The following NFIA variants were observed in gnomAD, a reference collection of about 807,000 sequenced individuals.
The protein encoded by NFIA is nuclear factor I A.
In NFIA, 8 loss-of-function variants were observed where a neutral mutation model predicts 62.8. The ratio of observed to expected loss-of-function variants is 0.13; its 90% CI spans 0.07 to 0.23. The LOEUF (loss-of-function observed/expected upper bound fraction) is 0.23. Among genes scored for constraint, NFIA ranks in the 10% least tolerant of loss-of-function variants. NFIA has a pLI of 1.00. For synonymous variants in NFIA, 235 were observed against 238.1 expected, an observed-to-expected ratio of 0.99 and a Z score of 0.12; for missense variants, 410 against 642.1, an observed-to-expected ratio of 0.64 and a Z score of 3.91.
chr1:61,159,383 A>G (rs11207700), intron 2 of NFIA, among the ~76,000 whole-genome samples: 3,101 of 152,224 alleles, frequency 0.02, 68 homozygotes, highest in East Asian at 0.094. Context: ...TCAAACTTCA[A>G]TGTGCATACG....
chr1:61,434,340 C>T (rs765712920), intron 10 of NFIA, among the ~76,000 whole-genome samples: 6 of 152,164 alleles, frequency 3.9e-5, no homozygotes, highest in Non-Finnish European at 7.3e-5. Flanking sequence ...CAATCTGCTT[C>T]CCCTCCCTCC....
intron 2 of NFIA, among the ~76,000 whole-genome samples, chr1:61,150,233 T>G (rs1648301822): frequency 6.6e-6 from 1 of 152,338 alleles, no homozygotes; most frequent in East Asian, 1.9e-4. Context: ...GCCAAGTCCC[T>G]TTAGATCAAT....
At position 61,404,413 on chromosome 1, in the gene NFIA, T is replaced by G. The variant is rs547989041; in HGVS notation, c.1254+131T>G. 8.4e-6 allele frequency: 8 copies of G among 949,802 alleles called. No homozygotes were observed. In the South Asian group the frequency reaches 1.3e-4, roughly 16 times the overall value. 58.8% of individuals were successfully genotyped at this position (949,802 alleles called of 1,614,324 possible). The stretch of plus-strand genomic sequence containing the variant: ...GACTGACTGCAGGCAAATGTCATAT[T>G]TATTCTAGATTGTGGGAAAGTTAAC... On this transcript the variant is annotated intron_variant, in intron 8 of 10. Transcript: ENST00000403491.
At chr1:61,130,955 A>T (rs531033593) in intron 2 of NFIA, among the ~76,000 whole-genome samples, 1 of 152,230 alleles carries the variant, frequency 6.6e-6, no homozygotes, top group African/African-American at 2.4e-5. Context: ...TTTTTCCTCA[A>T]GGCACAAAAG....
At chr1:61,303,751 T>G (rs760503422) in intron 3 of NFIA, among the ~76,000 whole-genome samples, 16 of 152,340 alleles carry the variant, frequency 1.1e-4, no homozygotes, top group Non-Finnish European at 1.8e-4. Context: ...TTTGCATTCC[T>G]AACAAGGGTC....
At chr1:61,439,678 A>G (rs918971355) in intron 10 of NFIA, among the ~76,000 whole-genome samples, 3 of 152,226 alleles carry the variant, frequency 2.0e-5, no homozygotes, top group African/African-American at 4.8e-5. Flanking sequence ...TATGGGAAAG[A>G]GAGCATCTCA....
chr1:61,440,662 A>G (rs1667533763), intron 10 of NFIA, among the ~76,000 whole-genome samples: 1 of 150,064 alleles, frequency 6.7e-6, no homozygotes, highest in South Asian at 2.1e-4. Context: ...CCTCCTCCCG[A>G]TGCTTTTTTT....
intron 9 of NFIA, among the ~76,000 whole-genome samples, chr1:61,415,812 A>G (rs1488398181): frequency 6.6e-6 from 1 of 152,186 alleles, no homozygotes; most frequent in African/African-American, 2.4e-5. Context: ...TACCTATATT[A>G]GTACATATAT....
chr1:61,376,451 TTCTAAA>T (rs1353950340), intron 6 of NFIA, among the ~76,000 whole-genome samples: 17 of 152,320 alleles, frequency 1.1e-4, no homozygotes, highest in Admixed American at 3.3e-4. Context: ...CATTATCTTC[TTCTAAA>T]TCTATGTGAT....
intron 2 of NFIA, among the ~76,000 whole-genome samples, chr1:61,092,047 G>A (rs1321902957): frequency 1.3e-5 from 2 of 152,096 alleles, no homozygotes; most frequent in African/African-American, 4.8e-5. Flanking sequence ...ACCTGCCATG[G>A]GGTAGAATAA....
intron 10 of NFIA, among the ~76,000 whole-genome samples, chr1:61,428,424 C>T (rs1478486730): frequency 7.0e-6 from 1 of 143,010 alleles, no homozygotes; most frequent in Non-Finnish European, 1.5e-5. Context: ...TATTTGGCGT[C>T]ATGGGGACAA....
intron 2 of NFIA, among the ~76,000 whole-genome samples, chr1:61,225,131 T>A (rs924107594): frequency 3.3e-5 from 5 of 151,574 alleles, no homozygotes; most frequent in African/African-American, 1.2e-4. Context: ...TTATATATTT[T>A]GTTTTTTGTT....
At chr1:61,402,099 G>A (rs1248148036) in intron 7 of NFIA, among the ~76,000 whole-genome samples, 1 of 134,392 alleles carries the variant, frequency 7.4e-6, no homozygotes, top group African/African-American at 2.8e-5. Context: ...GTGCAGTGGC[G>A]CGATCTCGGC....
intron 2 of NFIA, among the ~76,000 whole-genome samples, chr1:61,226,839 A>G (rs574737577): frequency 6.6e-6 from 1 of 152,318 alleles, no homozygotes; most frequent in African/African-American, 2.4e-5. Context: ...GTTTGCCAAT[A>G]TGCCCAAGCC....
rs1661725912 is a variant in NFIA at position 61,338,341 on chromosome 1, A to G, written c.700+5755A>G. 2.6e-5 allele frequency among the ~76,000 whole-genome samples: 4 copies of G among 152,310 alleles called. No homozygotes were observed. The South Asian group carries it at 6.2e-4, about 24-fold the overall frequency. On this transcript the variant is annotated intron_variant, in intron 4 of 10. Transcript: ENST00000403491. Reference sequence around the variant, plus strand: ...TACAGGATTCCTGAGTTGTTTGTCAATGGAGAGTGGGAGTGAATGGAACCA... The same window carrying G: ...TACAGGATTCCTGAGTTGTTTGTCAGTGGAGAGTGGGAGTGAATGGAACCA...
chr1:61,396,213 G>A (rs1310602029), intron 7 of NFIA, among the ~76,000 whole-genome samples: 1 of 152,106 alleles, frequency 6.6e-6, no homozygotes, highest in East Asian at 1.9e-4. Context: ...TAGATCTTCT[G>A]AAAAGCATTT....
chr1:61,088,410 G>A lies in NFIA; in HGVS notation c.289G>A (p.Gly97Arg). Residue 97 changes from glycine to arginine, a missense_variant, in exon 2 of 11, where the codon GGG becomes AGG. Gly to Arg is a moderately radical substitution (Grantham distance 125). Coordinates refer to ENST00000403491, the MANE Select transcript of NFIA (RefSeq NM_001134673.4). This position sits in a 1 kb window ranked among gnomAD's most constrained non-coding sequence, Gnocchi z 4.5. ...YREDFVLTVT[G>R]KKPPCCVLSN... ...AGAGGATTTTGTTCTTACAGTTACAGGGAAAAAACCTCCATGTTGTGTTCT... is the reference window on the plus strand; with the variant it reads ...AGAGGATTTTGTTCTTACAGTTACAAGGAAAAAACCTCCATGTTGTGTTCT... 1.2e-6 allele frequency: 2 copies of A among 1,613,954 alleles called. No homozygotes were observed. The highest frequency in any genetic ancestry group is 1.7e-6 in the Non-Finnish European group (2 of 1,179,986).
chr1:61,182,705 A>G (rs1009469687), intron 2 of NFIA, among the ~76,000 whole-genome samples: 1 of 152,236 alleles, frequency 6.6e-6, no homozygotes, highest in Non-Finnish European at 1.5e-5. Flanking sequence ...ATTACTTAAA[A>G]TAAGTTCTTC....
At chr1:61,415,413 A>G (rs1282402355) in intron 9 of NFIA, among the ~76,000 whole-genome samples, 1 of 152,160 alleles carries the variant, frequency 6.6e-6, no homozygotes, top group Non-Finnish European at 1.5e-5. Flanking sequence ...CACAAAAGAT[A>G]GAAAAAAAAT....
Sources: gnomAD v4.1 joint callset for allele counts (sites outside exome capture counted in the v4.1 genomes callset) on GRCh38, gnomAD v4.1.1 for gene constraint, Gnocchi (gnomAD v3.1) non-coding constraint, MANE v1.5 for transcripts, NCBI Gene and HGNC (gene_info 2026-07-23, HGNC 2026-07-21) for gene names.